The following GTF2IRD1 variants were observed in gnomAD, a reference collection of about 807,000 sequenced individuals.
GTF2IRD1 encodes general transcription factor II-I repeat domain-containing protein 1.
In GTF2IRD1, 26 loss-of-function variants were observed where a neutral mutation model predicts 113.2. The observed-to-expected ratio is 0.23, with a 90% CI of 0.17 to 0.32. The LOEUF is 0.32. Among genes scored for constraint, GTF2IRD1 ranks in the 10% least tolerant of loss-of-function variants. The pLI is 1.00. For missense variants in GTF2IRD1, 864 were observed against 1,280.8 expected, an observed-to-expected ratio of 0.67 and a Z score of 4.97; for synonymous variants, 484 against 529.1, an observed-to-expected ratio of 0.91 and a Z score of 1.17.
intron 9 of GTF2IRD1, among the ~76,000 whole-genome samples, chr7:74,534,461 G>C (rs1208624205): frequency 1.3e-5 from 2 of 152,188 alleles, no homozygotes; most frequent in Non-Finnish European, 2.9e-5. Context: ...AATTAGCTGG[G>C]TGTGGTTGCA....
intron 1 of GTF2IRD1, among the ~76,000 whole-genome samples, chr7:74,462,824 G>A (rs561149510): frequency 6.6e-5 from 10 of 152,216 alleles, no homozygotes; most frequent in African/African-American, 1.2e-4. Flanking sequence ...TGAGCCCCGC[G>A]ATGAAATTAC....
At chr7:74,521,796 C>G (rs1457033638) in intron 7 of GTF2IRD1, among the ~76,000 whole-genome samples, 1 of 152,018 alleles carries the variant, frequency 6.6e-6, no homozygotes, top group Non-Finnish European at 1.5e-5. Flanking sequence ...ATAAATAACC[C>G]CAAAATGGAG....
At chr7:74,516,181 G>C (rs1454345933) in intron 4 of GTF2IRD1, among the ~76,000 whole-genome samples, 1 of 152,184 alleles carries the variant, frequency 6.6e-6, no homozygotes, top group African/African-American at 2.4e-5. Context: ...CCCCTCCTGT[G>C]TCTGGCAGAC....
rs140841732 is a variant in GTF2IRD1 at position 74,546,282 on chromosome 7, C to T, written c.1732+473C>T. Among the ~76,000 whole-genome samples the T allele has an allele frequency of 3.5e-3, 487 of 139,174 alleles. 15 individuals carry two copies. The highest frequency in any genetic ancestry group is 0.034 in the Admixed American group (433 of 12,608). 91.3% of individuals were successfully genotyped at this position (139,174 alleles called of 152,430 possible). On this transcript the variant is annotated intron_variant, in intron 16 of 26. Coordinates refer to ENST00000424337, the MANE Select transcript of GTF2IRD1 (RefSeq NM_005685.4). ...TGTTGCCCAGGCTGGGGTGTGGTGG[C>T]GCAATATCAGCTCACTGCAACCTGC... is the stretch of plus-strand genomic sequence containing the variant.
chr7:74,522,094 A>T (rs1554346137), intron 7 of GTF2IRD1, among the ~76,000 whole-genome samples: 1 of 152,174 alleles, frequency 6.6e-6, no homozygotes. Flanking sequence ...TTATTGATCC[A>T]AAAGAGAGGA....
At chr7:74,532,879 A>G (rs1798053855) in intron 9 of GTF2IRD1, among the ~76,000 whole-genome samples, 1 of 151,950 alleles carries the variant, frequency 6.6e-6, no homozygotes, top group Non-Finnish European at 1.5e-5. Flanking sequence ...CTTTCCTCCT[A>G]CATTCCCCCT....
intron 24 of GTF2IRD1, among the ~76,000 whole-genome samples, chr7:74,593,932 G>T (rs1802236078): frequency 2.6e-5 from 4 of 151,218 alleles, no homozygotes; most frequent in Admixed American, 2.0e-4. Flanking sequence ...GGGCGTGGTG[G>T]CTCGCGCTTG....
At chr7:74,598,046 C>T (rs1554372894) in intron 25 of GTF2IRD1, among the ~76,000 whole-genome samples, 1 of 152,098 alleles carries the variant, frequency 6.6e-6, no homozygotes, top group African/African-American at 2.4e-5. Context: ...GTGAGACCCT[C>T]CCTCCGTCTC....
intron 10 of GTF2IRD1, 126 bp downstream of exon 10, chr7:74,535,264 T>G: frequency 1.3e-6 from 1 of 759,688 alleles, no homozygotes; most frequent in Admixed American, 1.8e-5. Flanking sequence ...GAGGCTGGGC[T>G]GTGGTTTCTG....
chr7:74,580,756 CA>C (rs782533887), intron 22 of GTF2IRD1, among the ~76,000 whole-genome samples: 1 of 152,066 alleles, frequency 6.6e-6, no homozygotes, highest in Non-Finnish European at 1.5e-5. Flanking sequence ...TGTCACTGTC[CA>C]GGGGCAGTGG....
intron 22 of GTF2IRD1, among the ~76,000 whole-genome samples, chr7:74,579,901 G>A (rs1801309487): frequency 6.6e-6 from 1 of 152,136 alleles, no homozygotes; most frequent in Admixed American, 6.6e-5. Context: ...GTGGGGAAAA[G>A]GGGGATCAAA....
At chr7:74,456,120 G>T (rs1792958186) in intron 1 of GTF2IRD1, among the ~76,000 whole-genome samples, 1 of 152,206 alleles carries the variant, frequency 6.6e-6, no homozygotes, top group South Asian at 2.1e-4. Flanking sequence ...GTAGTCGTCA[G>T]CACTTGGTGT....
At chr7:74,471,733 T>C (rs1330045760) in intron 1 of GTF2IRD1, among the ~76,000 whole-genome samples, 1 of 142,580 alleles carries the variant, frequency 7.0e-6, no homozygotes, top group East Asian at 2.1e-4. Context: ...GTGGCTGACG[T>C]CTGTAATCCC....
At chr7:74,548,669 T>C (rs587697160) in intron 17 of GTF2IRD1, among the ~76,000 whole-genome samples, 1 of 152,224 alleles carries the variant, frequency 6.6e-6, no homozygotes, top group South Asian at 2.1e-4. Context: ...CTCAGGAGGC[T>C]GAAGCAGAAG....
intron 16 of GTF2IRD1, among the ~76,000 whole-genome samples, chr7:74,546,781 A>G (rs1554353341): frequency 6.6e-6 from 1 of 152,194 alleles, no homozygotes; most frequent in African/African-American, 2.4e-5. Flanking sequence ...GCCGAATCTC[A>G]GCAGCCATTA....
chr7:74,511,317 C>T (rs964544406), intron 2 of GTF2IRD1, among the ~76,000 whole-genome samples: 2 of 152,162 alleles, frequency 1.3e-5, no homozygotes, highest in Non-Finnish European at 2.9e-5. Context: ...CTTCGTCACC[C>T]GCCCCCAATC....
In GTF2IRD1 at chr7:74,601,077, A is replaced by G; in HGVS notation, c.2663A>G (p.Lys888Arg). 1 of 1,614,148 alleles carries G rather than the reference A, an allele frequency of 6.2e-7. No homozygotes were observed. The highest frequency in any genetic ancestry group is 8.5e-7 in the Non-Finnish European group (1 of 1,180,008). Reference protein sequence around the residue: ...KDSSIPKRKRKRVSEGNSVSS... With the variant: ...KDSSIPKRKRRRVSEGNSVSS... Reference sequence around the variant, plus strand: ...AGCAGCATTCCCAAGCGCAAGAGAAAGCGGGTCTCGGAAGGAAATTCCGTC... The same window carrying G: ...AGCAGCATTCCCAAGCGCAAGAGAAGGCGGGTCTCGGAAGGAAATTCCGTC... Residue 888 changes from lysine (K) to arginine (R), a missense_variant, in exon 26 of 27, where the codon AAG (lysine) becomes AGG (arginine). Physicochemically the swap from Lys to Arg is conservative, Grantham distance 26 (BLOSUM62 2). Transcript: ENST00000424337.
intron 1 of GTF2IRD1, among the ~76,000 whole-genome samples, chr7:74,470,810 G>T (rs964061094): frequency 4.3e-4 from 64 of 149,260 alleles, no homozygotes; most frequent in African/African-American, 7.1e-4. Context: ...CATATGTGGG[G>T]TTTTTTTTTT....
Position 74,602,466 on chromosome 7 carries a change from A to G in GTF2IRD1, c.*33A>G, listed in dbSNP as rs782379833. Reference sequence around the variant, plus strand: ...TACTGAATCAGGACCTCACTCAGAAAGACTAAAGGAAATGTAATTTATGTA... The same window carrying G: ...TACTGAATCAGGACCTCACTCAGAAGGACTAAAGGAAATGTAATTTATGTA... On this transcript the variant is annotated 3_prime_UTR_variant, in exon 27 of 27. Transcript: ENST00000424337. 3.8e-6 allele frequency: 6 copies of G among 1,566,844 alleles called. No homozygotes were observed. Among genetic ancestry groups the G allele is most frequent in the Non-Finnish European group, 1.8e-6 (2 of 1,140,426 alleles).
Sources: gnomAD v4.1 joint callset for allele counts (sites outside exome capture counted in the v4.1 genomes callset) on GRCh38, gnomAD v4.1.1 for gene constraint, MANE v1.5 for transcripts, NCBI Gene and HGNC (gene_info 2026-07-23, HGNC 2026-07-21) for gene names.